RRP12: variants seen among roughly 807,000 people sequenced by gnomAD.
RRP12 encodes ribosomal RNA processing 12 homolog, also known as RRP12-like protein.
In RRP12, 78 loss-of-function variants were observed where a neutral mutation model predicts 157.3. The ratio of observed to expected loss-of-function variants is 0.50; its 90% CI spans 0.41 to 0.60. The LOEUF is 0.60. RRP12 is among the 20% of genes least tolerant of loss of function. The pLI, the probability that RRP12 is intolerant of heterozygous loss-of-function variation, is 0.00. For missense variants in RRP12, 1,521 were observed against 1,679.9 expected (o/e 0.91, Z 1.65); for synonymous variants, 726 against 670.9 (o/e 1.08, Z -1.27).
intron 3 of RRP12, among the ~76,000 whole-genome samples, chr10:97,394,715 TATTTC>T (rs1218846037): frequency 6.6e-6 from 1 of 152,224 alleles, no homozygotes; most frequent in Non-Finnish European, 1.5e-5. Context: ...CCATCTAATT[TATTTC>T]ATTATTCTAG....
At position 97,370,285 on chromosome 10, in the gene RRP12, A is replaced by C. The variant is rs1278536985; in HGVS notation, c.2690-11T>G. 3 of 1,575,298 alleles carry C rather than the reference A, an allele frequency of 1.9e-6. No homozygotes were observed. Among genetic ancestry groups the C allele is most frequent in the East Asian group, 2.3e-5 (1 of 43,728 alleles). On this transcript the variant is annotated splice_polypyrimidine_tract_variant and intron_variant, in intron 23 of 33. Coordinates refer to ENST00000370992, the MANE Select transcript of RRP12 (RefSeq NM_015179.4). ...AGCACTGCAGGGCCTCTGGGGACAG[A>C]GACCAACGTGGGTCAAGCAGGAAGG...
chr10:97,383,009 A>G (rs1844513202), intron 10 of RRP12, among the ~76,000 whole-genome samples: 1 of 152,072 alleles, frequency 6.6e-6, no homozygotes, highest in Non-Finnish European at 1.5e-5. Flanking sequence ...TGATCTGCCC[A>G]TCTCGGTCTC....
At chr10:97,366,277 A>T (rs758204878) in intron 28 of RRP12, 44 bp from the exon 29 acceptor site, 4 of 1,604,730 alleles carry the variant, frequency 2.5e-6, no homozygotes, top group Non-Finnish European at 3.4e-6. Flanking sequence ...GGCCAGTCCC[A>T]TGCTACTCAC....
intron 8 of RRP12, among the ~76,000 whole-genome samples, chr10:97,386,877 C>T (rs111743498): frequency 0.073 from 11,149 of 152,044 alleles, 1,240 homozygotes; most frequent in African/African-American, 0.25. Context: ...GTAGTCCCAG[C>T]TACTCGGGAG....
intron 3 of RRP12, among the ~76,000 whole-genome samples, chr10:97,394,440 A>T (rs1844898191): frequency 6.6e-6 from 1 of 152,192 alleles, no homozygotes; most frequent in Non-Finnish European, 1.5e-5. Flanking sequence ...CCCAGGTTGG[A>T]GTGCAGTGGT....
chr10:97,399,017 T>C (rs1295267807), intron 2 of RRP12, among the ~76,000 whole-genome samples: 2 of 152,196 alleles, frequency 1.3e-5, no homozygotes, highest in Non-Finnish European at 2.9e-5. Flanking sequence ...CTCACACCTG[T>C]AATCCCAGCA....
intron 30 of RRP12, among the ~76,000 whole-genome samples, chr10:97,362,652 G>A (rs904597970): frequency 1.1e-4 from 17 of 152,142 alleles, no homozygotes; most frequent in Admixed American, 1.3e-4. Flanking sequence ...GCAGAGAGGG[G>A]CAGGAGGGTT....
intron 8 of RRP12, 76 bp from the exon 9 acceptor site, chr10:97,386,069 G>T: frequency 1.1e-6 from 1 of 936,608 alleles, no homozygotes; most frequent in Non-Finnish European, 1.7e-6. Context: ...CTCCACCTGT[G>T]TGCTAGGGAG....
intron 24 of RRP12, 40 bp from the exon 25 acceptor site, chr10:97,369,622 C>A (rs1844086721): frequency 2.6e-6 from 4 of 1,540,270 alleles, no homozygotes; most frequent in African/African-American, 2.7e-5. Context: ...ACACCCAGGA[C>A]CCCACTCAGA....
At chr10:97,359,217 G>A (rs1312397404) in intron 31 of RRP12, among the ~76,000 whole-genome samples, 2 of 152,202 alleles carry the variant, frequency 1.3e-5, no homozygotes, top group African/African-American at 4.8e-5. Flanking sequence ...GGGCTCCTCA[G>A]ACTGACCCAG....
chr10:97,366,910 C>T lies in RRP12; in HGVS notation c.3048-1G>A, dbSNP rs756514598. ...CAACAGCCTTTTCACCAGCTCAAATCTGGAGGTGGCAAGGAAGGGCTGGTG... is the reference window on the plus strand; with the variant it reads ...CAACAGCCTTTTCACCAGCTCAAATTTGGAGGTGGCAAGGAAGGGCTGGTG... On this transcript the variant is annotated splice_acceptor_variant, in intron 26 of 33. Coordinates refer to ENST00000370992, the MANE Select transcript of RRP12 (RefSeq NM_015179.4). LOFTEE classifies it high-confidence loss of function. 2 of 1,612,522 alleles carry T rather than the reference C, an allele frequency of 1.2e-6. No homozygotes were observed. The highest frequency in any genetic ancestry group is 1.7e-6 in the Non-Finnish European group (2 of 1,178,852).
intron 8 of RRP12, among the ~76,000 whole-genome samples, chr10:97,387,185 T>C (rs1844656955): frequency 6.6e-6 from 1 of 152,146 alleles, no homozygotes; most frequent in South Asian, 2.1e-4. Flanking sequence ...CGTAATACAA[T>C]ATAAATGCTA....
In RRP12 at chr10:97,369,596, G is replaced by A; in HGVS notation, c.2798-14C>T. The A allele has an allele frequency of 6.4e-7, 1 of 1,553,158 alleles. No individual in the cohort carries two copies. Among genetic ancestry groups the A allele is most frequent in the Non-Finnish European group, 8.7e-7 (1 of 1,147,844 alleles). ...TCCCCATCAGACCTGTGGCAGTGAG[G>A]GGGTCACTGTCTAAGACACCCAGGA... On this transcript the variant is annotated splice_polypyrimidine_tract_variant and intron_variant, in intron 24 of 33. Transcript: ENST00000370992.
rs41303833 is a variant in RRP12, at chr10:97,390,719, A to G, written c.636+20T>C. The G allele has an allele frequency of 0.061, 95,022 of 1,568,922 alleles. 3,210 individuals carry two copies. The highest frequency in any genetic ancestry group is 0.11 in the East Asian group (4,688 of 44,636). On this transcript the variant is annotated intron_variant, in intron 5 of 33. Coordinates refer to ENST00000370992, the MANE Select transcript of RRP12 (RefSeq NM_015179.4). ...GGCTCTGGGAGTCGCCAGATGAGAA[A>G]CTAAACCCCAGACACTAACCCATCG...
In RRP12 at chr10:97,357,137, G is replaced by A; in HGVS notation, c.3851C>T (p.Ser1284Phe). The change falls in exon 34 of 34, where the codon TCC becomes TTC. Residue 1284 changes from serine to phenylalanine, a missense_variant. Transcript: ENST00000370992. ...KGLVKAARRG[S>F]QVGHKNRRKD... is the part of the protein sequence containing the mutation. The stretch of plus-strand genomic sequence containing the variant: ...TCTGCGGTTTTTGTGTCCCACCTGG[G>A]AACCTCGCCGGGCAGCCTTCACCAG... 2.5e-6 allele frequency: 4 copies of A among 1,613,542 alleles called. No individual in the cohort carries two copies. The highest frequency in any genetic ancestry group is 3.4e-6 in the Non-Finnish European group (4 of 1,179,652).
chr10:97,400,159 A>G (rs1845098671), intron 2 of RRP12, 146 bp downstream of exon 2: 3 of 674,634 alleles, frequency 4.4e-6, no homozygotes, highest in Non-Finnish European at 7.9e-6. Context: ...AACCTGCCCT[A>G]GGAGGAGACA....
At chr10:97,356,387 A>AG (rs1294442860), downstream of RRP12, 2 of 152,260 alleles carry the variant, frequency 1.3e-5, no homozygotes, top group East Asian at 3.9e-4. Context: ...GGGCACTTAG[A>AG]GGGGCTCAGC....
At position 97,372,182 on chromosome 10, in the gene RRP12, G is replaced by C; in HGVS notation, c.2250-16C>G. The C allele has an allele frequency of 6.2e-7, 1 of 1,607,442 alleles. No homozygotes were observed. The highest frequency in any genetic ancestry group is 8.5e-7 in the Non-Finnish European group (1 of 1,175,200). On this transcript the variant is annotated splice_polypyrimidine_tract_variant and intron_variant, in intron 19 of 33. Coordinates refer to ENST00000370992, the MANE Select transcript of RRP12 (RefSeq NM_015179.4). ...GACAGACAATCTGCTCGGGGCAGGA[G>C]GACAAGGAGAGGGATGGGGAGCTGG...
intron 4 of RRP12, 69 bp downstream of exon 4, chr10:97,393,615 T>C (rs1844872073): frequency 1.7e-6 from 2 of 1,183,982 alleles, no homozygotes; most frequent in South Asian, 2.5e-5. Flanking sequence ...CTGATCCTGT[T>C]TCTCCTGTCC....
Sources: gnomAD v4.1 joint callset for allele counts (sites outside exome capture counted in the v4.1 genomes callset) on GRCh38, gnomAD v4.1.1 for gene constraint, MANE v1.5 for transcripts, NCBI Gene and HGNC (gene_info 2026-07-23, HGNC 2026-07-21) for gene names.